Variants in YY1AP1 observed in about 807,000 individuals in gnomAD.
The protein encoded by YY1AP1 is YY1-associated protein 1.
YY1AP1 carries 43 observed loss-of-function variants against 39.9 expected under a neutral mutation model. The ratio of observed to expected loss-of-function variants is 1.08; its 90% CI spans 0.84 to 1.39. The LOEUF (loss-of-function observed/expected upper bound fraction) is 1.39, where lower values mean the gene tolerates loss of function less well. YY1AP1 is among the 40% of genes most tolerant of loss of function. The pLI, the probability that YY1AP1 is intolerant of heterozygous loss-of-function variation, is 0.00. For missense variants in YY1AP1, 813 were observed against 900.7 expected, an observed-to-expected ratio of 0.90 and a Z score of 1.25; for synonymous variants, 292 against 331.3, an observed-to-expected ratio of 0.88 and a Z score of 1.29.
At chr1:155,661,284 G>A in intron 10 of YY1AP1, 23 bp downstream of exon 10, 2 of 1,613,944 alleles carry the variant, frequency 1.2e-6, no homozygotes, top group Non-Finnish European at 1.7e-6. Context: ...GCCTCCTACA[G>A]ACTTCGAGGA....
At chr1:155,684,237 A>C (rs1400012886) in intron 2 of YY1AP1, among the ~76,000 whole-genome samples, 2 of 152,162 alleles carry the variant, frequency 1.3e-5, no homozygotes, top group Non-Finnish European at 2.9e-5. Context: ...GAGGAGAGCG[A>C]AACTCTCTCT....
Position 155,660,402 on chromosome 1 carries a change from A to G in YY1AP1, c.1508T>C (p.Leu503Pro). The G allele has an allele frequency of 2.5e-6, 4 of 1,614,080 alleles. No homozygotes were observed. Among genetic ancestry groups the G allele is most frequent in the Non-Finnish European group, 3.4e-6 (4 of 1,180,030 alleles). ...TACCTTGGGCACAGGGGCAGAAGAG[A>G]GCAAAGTCTGGGACTCAGACAGAGG... ...SFPLSESQTL[L>P]SSAPVPKVMM... The change falls in exon 11 of 11, where the codon CTC (leucine) becomes CCC (proline). Residue 503 changes from leucine to proline, a missense_variant. Transcript: ENST00000355499.
chr1:155,686,144 C>G (rs1201337258), intron 2 of YY1AP1, among the ~76,000 whole-genome samples: 1 of 149,994 alleles, frequency 6.7e-6, no homozygotes, highest in Non-Finnish European at 1.5e-5. Flanking sequence ...ACGCCATTCT[C>G]CTGCCTCAGC....
intron 2 of YY1AP1, among the ~76,000 whole-genome samples, chr1:155,687,298 C>T (rs1652592166): frequency 6.7e-6 from 1 of 148,382 alleles, no homozygotes; most frequent in Non-Finnish European, 1.5e-5. Context: ...AAGTTTCTCC[C>T]CTCCCTGACC....
At chr1:155,672,462 A>G in intron 7 of YY1AP1, 98 bp downstream of exon 7, 1 of 1,492,648 alleles carries the variant, frequency 6.7e-7, no homozygotes, top group Non-Finnish European at 9.3e-7. Flanking sequence ...TGTGTCCTCC[A>G]TTCCTAGGCA....
chr1:155,660,976 TTC>T (rs1242680988), intron 10 of YY1AP1, 63 bp from the exon 11 acceptor site: 1 of 1,611,286 alleles, frequency 6.2e-7, no homozygotes, highest in East Asian at 2.2e-5. Flanking sequence ...GAATAGGACT[TTC>T]TAAGTTTAGG....
chr1:155,668,699 G>T lies in YY1AP1; in HGVS notation c.807C>A (p.Cys269Ter). The part of the protein sequence containing the change: ...NPLISKYLLT[C>*]KTARQLTVRI... ...TCACTGTCAGTTGGCGGGCAGTCTT[G>T]CAGGTTAGAAGGTACTTGCTGATTA... Residue 269 changes from cysteine (C) to a stop codon, truncating the protein, a stop_gained, in exon 9 of 11, where the codon TGC (cysteine) becomes TGA (stop). Transcript: ENST00000355499. LOFTEE classifies it high-confidence loss of function. 6.2e-7 allele frequency: 1 copy of T among 1,614,176 alleles called. No individual in the cohort carries two copies.
At position 155,688,096 on chromosome 1, in the gene YY1AP1, A is replaced by AG; in HGVS notation, c.-47dup. 6.2e-7 allele frequency: 1 copy of AG among 1,601,880 alleles called. No homozygotes were observed. The highest frequency in any genetic ancestry group is 8.5e-7 in the Non-Finnish European group (1 of 1,172,010). The stretch of plus-strand genomic sequence containing the variant: ...CGTGTCGGAGGCCGAGAGCGATGAG[A>AG]GTACAGGGAAGTGAGGAAGAGGGGG... On this transcript the variant is annotated 5_prime_UTR_variant, in exon 2 of 11. Coordinates refer to ENST00000355499, the MANE Select transcript of YY1AP1 (RefSeq NM_139119.3).
chr1:155,669,918 T>C (rs1446936458), intron 8 of YY1AP1, among the ~76,000 whole-genome samples: 2 of 152,112 alleles, frequency 1.3e-5, no homozygotes, highest in Non-Finnish European at 2.9e-5. Context: ...AGCTACTCCA[T>C]GGAGGCTGAG....
At chr1:155,682,679 T>G (rs1651691058) in intron 2 of YY1AP1, among the ~76,000 whole-genome samples, 1 of 152,118 alleles carries the variant, frequency 6.6e-6, no homozygotes, top group Non-Finnish European at 1.5e-5. Context: ...TGATTCTTAA[T>G]GGAGGATTTA....
At position 155,675,079 on chromosome 1, in the gene YY1AP1, T is replaced by C. The variant is rs199619947; in HGVS notation, c.342A>G (p.Thr114=). Residue 114 remains threonine (T), a synonymous_variant, in exon 6 of 11, where the codon ACA becomes ACG. Coordinates refer to ENST00000355499, the MANE Select transcript of YY1AP1 (RefSeq NM_139119.3). ...QQMQQHVQLL[T]QIHLLATCNP... ...TGCAGGTGGCAAGAAGGTGGATTTGTGTCAAGAGCTGAACATGCTGGGGAG... is the reference window on the plus strand; with the variant it reads ...TGCAGGTGGCAAGAAGGTGGATTTGCGTCAAGAGCTGAACATGCTGGGGAG... 1.2e-6 allele frequency: 2 copies of C among 1,613,668 alleles called. No homozygotes were observed. Among genetic ancestry groups the C allele is most frequent in the East Asian group, 2.2e-5 (1 of 44,866 alleles).
chr1:155,670,301 C>T lies in YY1AP1; in HGVS notation c.728+19G>A. 1 of 1,611,830 alleles carries T rather than the reference C, an allele frequency of 6.2e-7. No homozygotes were observed. The highest frequency in any genetic ancestry group is 8.5e-7 in the Non-Finnish European group (1 of 1,179,784). ...CATCTTCTCCTTGGGATATTTGATC[C>T]CCCAGAGTAAACACTTACTTGTCCT... On this transcript the variant is annotated intron_variant, in intron 8 of 10. Transcript: ENST00000355499.
chr1:155,672,196 A>C, intron 7 of YY1AP1: 2 of 337,590 alleles, frequency 5.9e-6, no homozygotes, highest in Non-Finnish European at 1.1e-5. Flanking sequence ...AAAAAGCTAA[A>C]CATGACCGAA....
At chr1:155,665,230 C>CA (rs1418540811) in intron 9 of YY1AP1, among the ~76,000 whole-genome samples, 1 of 151,216 alleles carries the variant, frequency 6.6e-6, no homozygotes, top group African/African-American at 2.4e-5. Flanking sequence ...CCAGCCTGGG[C>CA]AAAAAACTGA....
In YY1AP1 at chr1:155,659,496, C is replaced by G; in HGVS notation, c.*161G>C. On this transcript the variant is annotated 3_prime_UTR_variant, in exon 11 of 11. Transcript: ENST00000355499. The stretch of plus-strand genomic sequence containing the variant: ...AGATTTATTGAAGCAAAAGTATATT[C>G]CACAGAGTGGGAGCAGGCTAAAGCA... 1.4e-6 allele frequency: 1 copy of G among 695,588 alleles called. No homozygotes were observed. Among genetic ancestry groups the G allele is most frequent in the South Asian group, 1.8e-5 (1 of 56,364 alleles). The allele number at this position is 695,588 out of a possible 1,614,324, so 43.1% of individuals were successfully genotyped here. A position where few individuals can be genotyped will look rare whatever the true frequency, so the allele number is the denominator to read the frequency against.
chr1:155,670,493 A>C lies in YY1AP1; in HGVS notation c.584-29T>G, dbSNP rs548923648. On this transcript the variant is annotated intron_variant, in intron 7 of 10. Coordinates refer to ENST00000355499, the MANE Select transcript of YY1AP1 (RefSeq NM_139119.3). ...TAAGAAAATAAATCTCTGATAAATC[A>C]ACTTCTAGGAAAAAAGAGGGCTTCA... 2.6e-5 allele frequency: 42 copies of C among 1,612,612 alleles called. No homozygotes were observed. In the East Asian group the frequency reaches 6.7e-4, roughly 26 times the overall value.
upstream of YY1AP1, chr1:155,688,928 A>G (rs1264843486): frequency 1.2e-6 from 2 of 1,612,324 alleles, no homozygotes; most frequent in Admixed American, 3.3e-5. Context: ...ATGACAACCT[A>G]CCTCCCTGGG....
Position 155,672,567 on chromosome 1 carries a change from CT to C in YY1AP1, c.575del (p.Lys192ArgfsTer35), listed in dbSNP as rs1008664572. 2 of 1,611,078 alleles carry C rather than the reference CT, an allele frequency of 1.2e-6. No individual in the cohort carries two copies. The highest frequency in any genetic ancestry group is 2.7e-5 in the African/African-American group (2 of 74,866). On this transcript the variant is annotated frameshift_variant, in exon 7 of 11. Transcript: ENST00000355499. LOFTEE classifies it high-confidence loss of function. ...GACACATCTGTCTCCTACCAGTCTT[CT>C]TGACAGTTTTATGAGGGCTGCAGTC... ...SIDCSPHKTVKKTANEFPCLP... is the reference protein window; with the variant it reads ...SIDCSPHKTVXKTANEFPCLP...
intron 2 of YY1AP1, among the ~76,000 whole-genome samples, chr1:155,685,726 AG>A (rs1652121293): frequency 1.3e-5 from 2 of 152,196 alleles, no homozygotes; most frequent in African/African-American, 4.8e-5. Flanking sequence ...TGAAAATGAA[AG>A]GTTTTCAAAT....
Sources: allele counts gnomAD v4.1 joint callset (sites outside exome capture counted in the v4.1 genomes callset), GRCh38; gene constraint gnomAD v4.1.1; transcripts MANE v1.5; gene names NCBI Gene and HGNC (gene_info 2026-07-23, HGNC 2026-07-21).